Variants in JPH3 observed in about 807,000 individuals in gnomAD.
The protein encoded by JPH3 is junctophilin-3.
A neutral mutation model predicts 59.6 loss-of-function variants in JPH3; 11 were observed. The observed-to-expected ratio is 0.18, with a 90% CI of 0.12 to 0.31. The LOEUF is 0.31. JPH3 is among the 10% of genes least tolerant of loss of function. The pLI is 1.00. For missense variants in JPH3, 1,202 were observed against 1,105.7 expected, an observed-to-expected ratio of 1.09 and a Z score of -1.24; for synonymous variants, 673 against 483.6, an observed-to-expected ratio of 1.39 and a Z score of -5.14.
intron 2 of JPH3, among the ~76,000 whole-genome samples, chr16:87,646,945 A>T (rs997231981): frequency 1.3e-5 from 2 of 152,146 alleles, no homozygotes; most frequent in African/African-American, 4.8e-5. Context: ...CCTAGACATT[A>T]AGAGAAGCGG....
rs1175995303 is a variant in JPH3, at chr16:87,602,655, C to T, written c.-492C>T. On this transcript the variant is annotated 5_prime_UTR_variant, in exon 1 of 5. Coordinates refer to ENST00000284262, the MANE Select transcript of JPH3 (RefSeq NM_020655.4). The stretch of plus-strand genomic sequence containing the variant: ...TGGTGCAGCCGCCAGCGCCGCCGCC[C>T]GTGCCGCCGCCGCCGCCCGCGGGCC... Among the ~76,000 whole-genome samples, 2 of 139,652 alleles carry T rather than the reference C, an allele frequency of 1.4e-5. No individual in the cohort carries two copies. The highest frequency in any genetic ancestry group is 5.1e-5 in the African/African-American group (2 of 39,064). 91.6% of individuals were successfully genotyped at this position (139,652 alleles called of 152,430 possible).
chr16:87,692,199 C>T (rs905604834), intron 4 of JPH3, among the ~76,000 whole-genome samples: 11 of 152,062 alleles, frequency 7.2e-5, no homozygotes, highest in Admixed American at 7.2e-4. Context: ...AACAAGGTTT[C>T]CCTCCCTGTC....
chr16:87,610,674 A>C (rs2030698667), intron 1 of JPH3, among the ~76,000 whole-genome samples: 1 of 152,192 alleles, frequency 6.6e-6, no homozygotes, highest in Admixed American at 6.5e-5. Context: ...ATTAGCATTA[A>C]AACATGCCTG....
chr16:87,672,171 G>T lies in JPH3; in HGVS notation c.1161-11971G>T, dbSNP rs1052575759. 2.6e-5 allele frequency among the ~76,000 whole-genome samples: 4 copies of T among 152,142 alleles called. No homozygotes were observed. The South Asian group carries it at 8.3e-4, about 31-fold the overall frequency. ...AGTGGGGCACTGAGTCTAAACATAG[G>T]CTGTGGCCTGTAGGTGAGGGGAGGC... On this transcript the variant is annotated intron_variant, in intron 2 of 4. Coordinates refer to ENST00000284262, the MANE Select transcript of JPH3 (RefSeq NM_020655.4).
At chr16:87,637,351 T>C (rs825581) in intron 1 of JPH3, among the ~76,000 whole-genome samples, 33,455 of 151,800 alleles carry the variant, frequency 0.22, 4,020 homozygotes, top group Non-Finnish European at 0.28. Context: ...TCCCCGGCCA[T>C]CATCCGTCTG....
chr16:87,640,829 AG>A (rs1404029277), intron 1 of JPH3, among the ~76,000 whole-genome samples: 3 of 152,208 alleles, frequency 2.0e-5, no homozygotes, highest in Non-Finnish European at 4.4e-5. Flanking sequence ...CTGGCACGGA[AG>A]GGGCAGTCGC....
In JPH3 at chr16:87,691,716, T is replaced by C. The variant is rs185186195; in HGVS notation, c.2166+1190T>C. ...AACCACTGCGGACGTCTGTCTGTCC[T>C]GTTGGGTTCCTAAGATGCCTCCCCG... On this transcript the variant is annotated intron_variant, in intron 4 of 4. Coordinates refer to ENST00000284262, the MANE Select transcript of JPH3 (RefSeq NM_020655.4). Among the ~76,000 whole-genome samples the C allele has an allele frequency of 6.2e-3, 938 of 152,248 alleles. 12 individuals carry two copies. The highest frequency in any genetic ancestry group is 0.021 in the African/African-American group (883 of 41,534).
Position 87,689,562 on chromosome 16 carries a change from C to G in JPH3, c.1286-84C>G. ...CGCCTCTGCTGCCCTGAGGTTCCCT[C>G]TGGCGCCCTGGCCCGGGGACCGCGG... On this transcript the variant is annotated intron_variant, in intron 3 of 4. Transcript: ENST00000284262. The G allele has an allele frequency of 5.5e-6, 8 of 1,452,216 alleles. No individual in the cohort carries two copies. In the Admixed American group the frequency reaches 1.4e-4, roughly 25 times the overall value. 90.0% of individuals were successfully genotyped at this position (1,452,216 alleles called of 1,614,324 possible).
intron 1 of JPH3, among the ~76,000 whole-genome samples, chr16:87,606,912 AG>A (rs1567579388): frequency 1.3e-5 from 2 of 152,178 alleles, no homozygotes; most frequent in South Asian, 4.1e-4. Flanking sequence ...ACACCTCTAG[AG>A]GGTGATTTTC....
chr16:87,647,532 C>G (rs1359098039), intron 2 of JPH3, among the ~76,000 whole-genome samples: 2 of 152,226 alleles, frequency 1.3e-5, no homozygotes, highest in Admixed American at 6.5e-5. Context: ...GGCTTGCCTT[C>G]TGCACTGGCG....
intron 2 of JPH3, among the ~76,000 whole-genome samples, chr16:87,649,883 G>A (rs1863227167): frequency 6.6e-6 from 1 of 152,236 alleles, no homozygotes; most frequent in African/African-American, 2.4e-5. Flanking sequence ...GCCCCGCAAA[G>A]CCTGCAAAAG....
intron 1 of JPH3, among the ~76,000 whole-genome samples, chr16:87,641,029 C>G (rs968998820): frequency 3.9e-5 from 6 of 152,246 alleles, no homozygotes; most frequent in Non-Finnish European, 7.3e-5. Context: ...GTGGAGCAAG[C>G]CACAGGGTTT....
chr16:87,684,175 C>A lies in JPH3; in HGVS notation c.1194C>A (p.Ala398=), dbSNP rs1231617554. The change falls in exon 3 of 5, where the codon GCC becomes GCA. Residue 398 remains alanine (A), a synonymous_variant. Coordinates refer to ENST00000284262, the MANE Select transcript of JPH3 (RefSeq NM_020655.4). ...TSHSRAKAEA[A]LTAAQKAQEE... is the part of the protein sequence containing the mutation. ...ACTCTCGGGCAAAGGCCGAGGCAGC[C>A]CTCACAGCAGCTCAGAAAGCCCAGG... The A allele has an allele frequency of 3.7e-6, 6 of 1,613,724 alleles. No individual in the cohort carries two copies. The highest frequency in any genetic ancestry group is 4.2e-6 in the Non-Finnish European group (5 of 1,180,026).
At chr16:87,659,011 A>G (rs2032605741) in intron 2 of JPH3, among the ~76,000 whole-genome samples, 1 of 152,228 alleles carries the variant, frequency 6.6e-6, no homozygotes, top group African/African-American at 2.4e-5. Flanking sequence ...GCGGTCACTT[A>G]GTCTGGGACA....
chr16:87,637,422 TTGTGTGTGTGTG>T (rs35239550), intron 1 of JPH3, among the ~76,000 whole-genome samples: 29 of 147,604 alleles, frequency 2.0e-4, no homozygotes, highest in African/African-American at 7.0e-4. Context: ...GTGTGTGTGT[TTGTGTGTGTGTG>T]TGTGTGTGTT....
chr16:87,624,893 G>A (rs1227222155), intron 1 of JPH3, among the ~76,000 whole-genome samples: 1 of 152,130 alleles, frequency 6.6e-6, no homozygotes, highest in Admixed American at 6.5e-5. Flanking sequence ...TCCACCTCTC[G>A]GGTTCAAGGG....
At chr16:87,688,647 AAGACTCCCCAAATTC>A (rs2033477225) in intron 3 of JPH3, among the ~76,000 whole-genome samples, 1 of 151,972 alleles carries the variant, frequency 6.6e-6, no homozygotes, top group African/African-American at 2.4e-5. Context: ...CCTCAGAGGG[AAGACTCCCCAAATTC>A]CCACAGAGCT....
intron 2 of JPH3, among the ~76,000 whole-genome samples, chr16:87,659,387 G>C (rs9921277): frequency 3.6e-4 from 25 of 68,608 alleles, no homozygotes; most frequent in African/African-American, 9.1e-4. Context: ...AAAAAAAAAA[G>C]AAAAAAAAAA....
intron 2 of JPH3, among the ~76,000 whole-genome samples, chr16:87,678,920 C>A (rs910465951): frequency 6.6e-6 from 1 of 152,200 alleles, no homozygotes; most frequent in African/African-American, 2.4e-5. Flanking sequence ...TAAAGCCTTC[C>A]GATAGGGGTG....
Sources: allele counts gnomAD v4.1 joint callset (sites outside exome capture counted in the v4.1 genomes callset), GRCh38; gene constraint gnomAD v4.1.1; transcripts MANE v1.5; gene names NCBI Gene and HGNC (gene_info 2026-07-23, HGNC 2026-07-21).